The following TMEM132B variants were observed in gnomAD, a reference collection of about 807,000 sequenced individuals.
TMEM132B encodes the protein transmembrane protein 132B.
TMEM132B carries 18 observed loss-of-function variants against 90.8 expected under a neutral mutation model. The observed-to-expected ratio is 0.20, with a 90% CI of 0.14 to 0.29. The LOEUF (loss-of-function observed/expected upper bound fraction) is 0.29. TMEM132B is among the 10% of genes least tolerant of loss of function. TMEM132B has a pLI of 1.00. For synonymous variants in TMEM132B, 504 were observed against 523.3 expected (o/e 0.96, Z 0.50); for missense variants, 1,096 against 1,326.8 (o/e 0.83, Z 2.70).
intron 1 of TMEM132B, among the ~76,000 whole-genome samples, chr12:125,335,143 A>C (rs188260683): frequency 1.8e-3 from 277 of 152,364 alleles, no homozygotes; most frequent in African/African-American, 6.3e-3. Flanking sequence ...ACGTTTCTGC[A>C]GGGTAATTGC....
intron 1 of TMEM132B, among the ~76,000 whole-genome samples, chr12:125,286,807 G>T (rs1875369871): frequency 6.6e-6 from 1 of 151,956 alleles, no homozygotes; most frequent in African/African-American, 2.4e-5. Flanking sequence ...GGGTTTAAGT[G>T]CTTCTCCTGC....
At chr12:125,437,377 T>C (rs1217831131) in intron 3 of TMEM132B, among the ~76,000 whole-genome samples, 2 of 152,338 alleles carry the variant, frequency 1.3e-5, no homozygotes, top group East Asian at 1.9e-4. Flanking sequence ...TTATTGTGCA[T>C]AGTGCTGCTA....
At chr12:125,650,488 A>G (rs1213663951) in intron 6 of TMEM132B, among the ~76,000 whole-genome samples, 195 bp from the exon 7 acceptor site, 1 of 152,108 alleles carries the variant, frequency 6.6e-6, no homozygotes, top group Admixed American at 6.5e-5. Flanking sequence ...TGCAAGCAGA[A>G]AGCACATCAT....
At chr12:125,403,503 T>C (rs768210599) in intron 2 of TMEM132B, among the ~76,000 whole-genome samples, 1 of 152,262 alleles carries the variant, frequency 6.6e-6, no homozygotes, top group Non-Finnish European at 1.5e-5. Context: ...AATTTTTAAA[T>C]AACAAGTGCT....
At chr12:125,456,725 C>T (rs1272652317) in intron 3 of TMEM132B, among the ~76,000 whole-genome samples, 2 of 152,178 alleles carry the variant, frequency 1.3e-5, no homozygotes, top group Non-Finnish European at 2.9e-5. Flanking sequence ...TCTCTGTGCT[C>T]CCTGGAGGCA....
rs1315894027 is a variant in TMEM132B at position 125,464,623 on chromosome 12, T to A, written c.1106+48946T>A. Among the ~76,000 whole-genome samples, 5 of 152,204 alleles carry A rather than the reference T, an allele frequency of 3.3e-5. 1 individual carries two copies. The highest frequency in any genetic ancestry group is 1.5e-5 in the Non-Finnish European group (1 of 68,032). ...CAGTGACTGAAGTATTAATAGTAAC[T>A]TTCTTGTCTTCGTGATTAAAGTCAA... On this transcript the variant is annotated intron_variant, in intron 3 of 8. Transcript: ENST00000682704.
chr12:125,512,247 C>T (rs900944106), intron 3 of TMEM132B, among the ~76,000 whole-genome samples: 4 of 152,162 alleles, frequency 2.6e-5, no homozygotes, highest in Non-Finnish European at 5.9e-5. Context: ...GTGTTCTGCC[C>T]CAGCTGGTTA....
intron 1 of TMEM132B, among the ~76,000 whole-genome samples, chr12:125,327,783 A>G (rs555720832): frequency 3.9e-4 from 59 of 152,218 alleles, no homozygotes; most frequent in African/African-American, 1.4e-3. Context: ...GGGGTCTTCT[A>G]TAGTCCAAGG....
At position 125,644,240 on chromosome 12, in the gene TMEM132B, C is replaced by A. The variant is rs757451736; in HGVS notation, c.1602C>A (p.Ser534Arg). The A allele has an allele frequency of 1.9e-6, 3 of 1,614,196 alleles. No individual in the cohort carries two copies. The highest frequency in any genetic ancestry group is 1.7e-6 in the Non-Finnish European group (2 of 1,180,042). ...LQIEISDTEL[S>R]QIKGWRIPVA... ...TTGAGATCTCAGACACCGAGCTGAG[C>A]CAGATCAAGGGCTGGAGGATCCCGG... The change falls in exon 6 of 9, where the codon AGC (serine) becomes AGA (arginine). Residue 534 changes from serine to arginine, a missense_variant. Coordinates refer to ENST00000682704, the MANE Select transcript of TMEM132B (RefSeq NM_001366854.1).
chr12:125,594,546 A>G (rs1885394091), intron 5 of TMEM132B, among the ~76,000 whole-genome samples: 1 of 152,216 alleles, frequency 6.6e-6, no homozygotes, highest in Admixed American at 6.5e-5. Context: ...AGCACTTAGT[A>G]TGATCAGTCT....
At chr12:125,480,006 CT>C (rs1342378793) in intron 3 of TMEM132B, among the ~76,000 whole-genome samples, 8 of 152,222 alleles carry the variant, frequency 5.3e-5, no homozygotes, top group African/African-American at 1.9e-4. Context: ...TCCTGATTGA[CT>C]ACTGGGTAAA....
intron 3 of TMEM132B, among the ~76,000 whole-genome samples, chr12:125,444,927 C>T (rs1458683417): frequency 6.6e-6 from 1 of 152,130 alleles, no homozygotes; most frequent in East Asian, 1.9e-4. Flanking sequence ...ACCCTGCTGC[C>T]TGCCCCCACA....
At chr12:125,233,238 G>A (rs1017870343) in intron 1 of TMEM132B, among the ~76,000 whole-genome samples, 1 of 152,178 alleles carries the variant, frequency 6.6e-6, no homozygotes, top group African/African-American at 2.4e-5. Context: ...AAAATAATAA[G>A]GGATTATACA....
chr12:125,552,997 C>T (rs898204720), intron 4 of TMEM132B, among the ~76,000 whole-genome samples: 10 of 152,234 alleles, frequency 6.6e-5, no homozygotes, highest in Non-Finnish European at 1.3e-4. Flanking sequence ...GCAGGTTGCA[C>T]ACTGCTCATA....
In TMEM132B at chr12:125,552,939, C is replaced by T. The variant is rs923283011; in HGVS notation, c.1294-30912C>T. ...GCTTCTGTTCTCATTGAGTGGCCTCCCAGCCTAAGCATGTCTAAACACACT... is the reference window on the plus strand; with the variant it reads ...GCTTCTGTTCTCATTGAGTGGCCTCTCAGCCTAAGCATGTCTAAACACACT... On this transcript the variant is annotated intron_variant, in intron 4 of 8. Coordinates refer to ENST00000682704, the MANE Select transcript of TMEM132B (RefSeq NM_001366854.1). 2.0e-5 allele frequency among the ~76,000 whole-genome samples: 3 copies of T among 152,318 alleles called. No homozygotes were observed. In the South Asian group the frequency reaches 6.2e-4, roughly 32 times the overall value.
chr12:125,577,237 T>A (rs1398904103), intron 4 of TMEM132B, among the ~76,000 whole-genome samples: 2 of 151,694 alleles, frequency 1.3e-5, no homozygotes, highest in Non-Finnish European at 2.9e-5. Flanking sequence ...TTTTATGAAT[T>A]TGCTCTTTTC....
chr12:125,474,076 CT>C (rs1351342787), intron 3 of TMEM132B, among the ~76,000 whole-genome samples: 1 of 136,638 alleles, frequency 7.3e-6, no homozygotes, highest in Non-Finnish European at 1.6e-5. Flanking sequence ...CTTTCCTTTC[CT>C]TTCCTTTCCT....
rs570079973 is a variant in TMEM132B, at chr12:125,373,484, G to A, written c.959+23141G>A. Reference sequence around the variant, plus strand: ...CATCTGCAAGCCAAGGAGAGGTCTCGGAAGAAACCAGCCATGCAAACACCT... The same window carrying A: ...CATCTGCAAGCCAAGGAGAGGTCTCAGAAGAAACCAGCCATGCAAACACCT... On this transcript the variant is annotated intron_variant, in intron 2 of 8. Coordinates refer to ENST00000682704, the MANE Select transcript of TMEM132B (RefSeq NM_001366854.1). 5.9e-5 allele frequency among the ~76,000 whole-genome samples: 9 copies of A among 152,266 alleles called. No homozygotes were observed. The East Asian group carries it at 1.2e-3, about 20-fold the overall frequency.
intron 1 of TMEM132B, among the ~76,000 whole-genome samples, chr12:125,284,080 G>A (rs1442983376): frequency 6.6e-6 from 1 of 152,184 alleles, no homozygotes; most frequent in African/African-American, 2.4e-5. Flanking sequence ...CTGTTTCCTA[G>A]GGGATGTCAC....
Sources: gnomAD v4.1 joint callset for allele counts (sites outside exome capture counted in the v4.1 genomes callset) on GRCh38, gnomAD v4.1.1 for gene constraint, MANE v1.5 for transcripts, NCBI Gene and HGNC (gene_info 2026-07-23, HGNC 2026-07-21) for gene names.